The following RAB37 variants were observed in gnomAD, a reference collection of about 807,000 sequenced individuals.
The protein encoded by RAB37 is ras-related protein Rab-37.
A neutral mutation model predicts 33.1 loss-of-function variants in RAB37; 29 were observed. That is an observed-to-expected ratio of 0.88 (90% confidence interval 0.65 to 1.20). RAB37 has a LOEUF of 1.20. Ranked by LOEUF, RAB37 falls within the 50% of genes most tolerant of loss-of-function variation. The probability of loss-of-function intolerance (pLI) is 0.00; values close to 1 mark genes in which losing one functional copy is unlikely to be tolerated. For missense variants in RAB37, 299 were observed against 301.1 expected (o/e 0.99, Z 0.05); for synonymous variants, 128 against 119.5 (o/e 1.07, Z -0.47).
chr17:74,741,373 G>C (rs578223061), intron 2 of RAB37, among the ~76,000 whole-genome samples: 2 of 152,146 alleles, frequency 1.3e-5, no homozygotes, highest in South Asian at 4.2e-4. Context: ...AGATCACAAG[G>C]TCAGGAGTTT....
chr17:74,704,604 G>T, intron 1 of RAB37: 1 of 1,614,160 alleles, frequency 6.2e-7, no homozygotes, highest in Non-Finnish European at 8.5e-7. Flanking sequence ...CGGTTTTTCT[G>T]ATTGTCCTTG....
chr17:74,686,293 A>G (rs929636322), intron 1 of RAB37, among the ~76,000 whole-genome samples: 3 of 151,990 alleles, frequency 2.0e-5, no homozygotes, highest in Non-Finnish European at 2.9e-5. Flanking sequence ...GGGTTTCACC[A>G]TGTTGGCCAG....
chr17:74,713,561 G>A (rs537111872), intron 1 of RAB37, among the ~76,000 whole-genome samples: 25 of 152,142 alleles, frequency 1.6e-4, no homozygotes, highest in African/African-American at 5.5e-4. Flanking sequence ...GCAGGGGCAC[G>A]CGGCTCCACC....
chr17:74,671,377 A>C lies in RAB37; in HGVS notation c.-210A>C. On this transcript the variant is annotated 5_prime_UTR_variant, in exon 1 of 8. Transcript: ENST00000340415. This position sits in a 1 kb window ranked among gnomAD's most constrained non-coding sequence, Gnocchi z 5.0. ...GGCGGAGTCGCTGTTCCTGGTGCTG[A>C]AACGCTCAGTCCTGGAAGAACGTGG... is the stretch of plus-strand genomic sequence containing the variant. 1.8e-6 allele frequency: 1 copy of C among 568,006 alleles called. No homozygotes were observed. The allele number at this position is 568,006 out of a possible 1,614,324, so 35.2% of individuals were successfully genotyped here.
chr17:74,737,350 C>T lies in RAB37; in HGVS notation c.78C>T (p.Tyr26=). 6.3e-7 allele frequency: 1 copy of T among 1,575,584 alleles called. No homozygotes were observed. The change falls in exon 1 of 9, where the codon TAC becomes TAT. Residue 26 remains tyrosine, a synonymous_variant. Coordinates refer to ENST00000392613, the MANE Select transcript of RAB37 (RefSeq NM_001006638.3). ...PERSPPCSPS[Y]DLTGKVMLLG... ...GCTCCCCGCCCTGCAGTCCGAGCTA[C>T]GACCTCACGGGCAAGGTGGGTGGGC...
At chr17:74,705,807 C>A (rs989612102) in intron 1 of RAB37, among the ~76,000 whole-genome samples, 1 of 152,118 alleles carries the variant, frequency 6.6e-6, no homozygotes, top group Non-Finnish European at 1.5e-5. Flanking sequence ...GTTGTCCAAG[C>A]TGGTCTCAAA....
At chr17:74,731,748 C>A (rs2034386219) in intron 2 of RAB37, among the ~76,000 whole-genome samples, 1 of 152,168 alleles carries the variant, frequency 6.6e-6, no homozygotes, top group Non-Finnish European at 1.5e-5. Flanking sequence ...TGGCTCACAC[C>A]TGTAATCCCA....
Position 74,714,183 on chromosome 17 carries a change from C to T in RAB37, c.73-15073C>T, listed in dbSNP as rs141343530. ...CCCAGATCGCACCACTGAACTCCAA[C>T]CTAGGCAACAGAGCAAGACTCTGTC... is the stretch of plus-strand genomic sequence containing the variant. On this transcript the variant is annotated intron_variant, in intron 1 of 7. Coordinates refer to the RAB37 transcript ENST00000340415. Among the ~76,000 whole-genome samples the T allele has an allele frequency of 2.9e-3, 434 of 152,144 alleles. 2 individuals carry two copies. Among genetic ancestry groups the T allele is most frequent in the Middle Eastern group, 0.014 (4 of 294 alleles).
upstream of RAB37, chr17:74,737,072 C>T: frequency 6.2e-7 from 1 of 1,608,318 alleles, no homozygotes; most frequent in Non-Finnish European, 8.5e-7. Flanking sequence ...CTGCCCGCCC[C>T]TTCACGCAGA....
upstream of RAB37, among the ~76,000 whole-genome samples, chr17:74,733,964 T>C (rs964628120): frequency 2.6e-5 from 4 of 152,118 alleles, no homozygotes; most frequent in East Asian, 7.7e-4. Context: ...GATTCCTCCA[T>C]CCAGACTAGT....
At chr17:74,674,969 C>T (rs529585311) in intron 1 of RAB37, among the ~76,000 whole-genome samples, 4 of 152,256 alleles carry the variant, frequency 2.6e-5, no homozygotes, top group South Asian at 2.1e-4. Context: ...TATGATGAAA[C>T]GAAACTCCAG....
At chr17:74,691,866 ATT>A (rs1334184845) in intron 1 of RAB37, among the ~76,000 whole-genome samples, 13 of 139,438 alleles carry the variant, frequency 9.3e-5, no homozygotes, top group Admixed American at 1.4e-4. Flanking sequence ...ATGTTATGCC[ATT>A]TTTTTTTTTT....
chr17:74,737,470 AGAG>A, intron 1 of RAB37, 105 bp downstream of exon 1: 1 of 1,267,930 alleles, frequency 7.9e-7, no homozygotes, highest in African/African-American at 1.5e-5. Context: ...TGCGTCTCCC[AGAG>A]GAGGGAGGGA....
Position 74,707,750 on chromosome 17 carries a change from T to C in RAB37, c.73-21506T>C, listed in dbSNP as rs114745245. Among the ~76,000 whole-genome samples the C allele has an allele frequency of 2.4e-3, 364 of 151,348 alleles. 2 individuals carry two copies. The highest frequency in any genetic ancestry group is 7.5e-3 in the African/African-American group (310 of 41,292). On this transcript the variant is annotated intron_variant, in intron 1 of 7. Transcript: ENST00000340415. ...AAAAAAATTAAAAGTGGTATATGAC[T>C]GTATATCCTGCACATATTAAAAAGT...
rs757171259 is a variant in RAB37 at position 74,729,330 on chromosome 17, C to A, written c.147C>A (p.Pro49=). 1 of 1,614,060 alleles carries A rather than the reference C, an allele frequency of 6.2e-7. No individual in the cohort carries two copies. Among genetic ancestry groups the A allele is most frequent in the East Asian group, 2.2e-5 (1 of 44,884 alleles). Residue 49 remains proline (P), a synonymous_variant, in exon 2 of 8, where the codon CCC becomes CCA. Transcript: ENST00000340415. This position sits in a 1 kb window ranked among gnomAD's most constrained non-coding sequence, Gnocchi z 4.2. ...AGTTCGATCAGGGCAAGTTCATCCC[C>A]GGCTCCTTCTCGGCCACTGTGGGCA... is the stretch of plus-strand genomic sequence containing the variant.
chr17:74,715,919 A>G (rs1030222894), intron 1 of RAB37, among the ~76,000 whole-genome samples: 1 of 152,158 alleles, frequency 6.6e-6, no homozygotes, highest in Non-Finnish European at 1.5e-5. Flanking sequence ...AATTCTAGCT[A>G]CTAAGGAGGC....
At chr17:74,733,395 A>AGGGTGTGTGTGTATAT (rs976413856), upstream of RAB37, among the ~76,000 whole-genome samples, 2 of 36,400 alleles carry the variant, frequency 5.5e-5, no homozygotes, top group Non-Finnish European at 1.0e-4. Flanking sequence ...GGTATGATGT[A>AGGGTGTGTGTGTATAT]GGGTGTGTGT....
chr17:74,719,766 T>C (rs2034214942), intron 1 of RAB37, among the ~76,000 whole-genome samples: 1 of 152,166 alleles, frequency 6.6e-6, no homozygotes, highest in African/African-American at 2.4e-5. Flanking sequence ...TCCTCCTGCC[T>C]TTGGCCTCCC....
chr17:74,725,369 G>A (rs532188426), intron 1 of RAB37, among the ~76,000 whole-genome samples: 5 of 152,080 alleles, frequency 3.3e-5, no homozygotes, highest in Admixed American at 6.6e-5. Flanking sequence ...CCTGCAAATC[G>A]TCACCCCTTG....
Sources: allele counts gnomAD v4.1 joint callset (sites outside exome capture counted in the v4.1 genomes callset), GRCh38; gene constraint gnomAD v4.1.1; non-coding constraint Gnocchi (gnomAD v3.1); transcripts MANE v1.5; gene names NCBI Gene and HGNC (gene_info 2026-07-23, HGNC 2026-07-21).